The following PAK2 variants were observed in gnomAD, a reference collection of about 807,000 sequenced individuals.
PAK2 encodes the protein serine/threonine-protein kinase PAK 2.
A neutral mutation model predicts 65.9 loss-of-function variants in PAK2; 21 were observed. That is an observed-to-expected ratio of 0.32 (90% confidence interval 0.23 to 0.46). The LOEUF (loss-of-function observed/expected upper bound fraction) is 0.46, where lower values mean the gene tolerates loss of function less well. Ranked by LOEUF, PAK2 falls within the 20% of genes least tolerant of loss-of-function variation. The pLI is 1.00. For synonymous variants in PAK2, 204 were observed against 219.7 expected (o/e 0.93, Z 0.63); for missense variants, 324 against 642.6 (o/e 0.50, Z 5.36).
chr3:196,750,998 C>G (rs1340349999), intron 1 of PAK2, among the ~76,000 whole-genome samples: 1 of 151,952 alleles, frequency 6.6e-6, no homozygotes, highest in Non-Finnish European at 1.5e-5. Context: ...TTTCATCTTC[C>G]CCAACTGAAA....
chr3:196,817,955 CTGCTGGG>C, intron 11 of PAK2, 95 bp from the exon 12 acceptor site: 2 of 513,466 alleles, frequency 3.9e-6, no homozygotes, highest in East Asian at 3.0e-5. Flanking sequence ...GGAGGGTCTT[CTGCTGGG>C]CACTGGAAGC....
chr3:196,806,848 C>T (rs769110744), intron 6 of PAK2, among the ~76,000 whole-genome samples, 162 bp downstream of exon 6: 1 of 152,178 alleles, frequency 6.6e-6, no homozygotes, highest in Non-Finnish European at 1.5e-5. Context: ...AAAGACCACT[C>T]ACCTAAAACT....
intron 2 of PAK2, among the ~76,000 whole-genome samples, chr3:196,784,076 T>G (rs1385536977): frequency 6.6e-6 from 1 of 152,204 alleles, no homozygotes; most frequent in East Asian, 1.9e-4. Flanking sequence ...GATCTGTTAG[T>G]TTAGTTCTTG....
chr3:196,818,337 C>T (rs537956414), intron 12 of PAK2, among the ~76,000 whole-genome samples, 181 bp downstream of exon 12: 1 of 152,090 alleles, frequency 6.6e-6, no homozygotes. Context: ...AAAGGACTCG[C>T]TGGATAAGAC....
intron 13 of PAK2, among the ~76,000 whole-genome samples, chr3:196,821,661 C>T (rs1275348117): frequency 2.6e-5 from 4 of 152,016 alleles, no homozygotes; most frequent in African/African-American, 4.8e-5. Flanking sequence ...CCAGCCTGGT[C>T]GACAAAGCGA....
intron 8 of PAK2, 57 bp downstream of exon 8, chr3:196,810,710 A>G (rs1715747555): frequency 1.1e-6 from 1 of 895,894 alleles, no homozygotes; most frequent in Non-Finnish European, 1.9e-6. Context: ...TCCTGGCTTT[A>G]TAGCATGATG....
intron 12 of PAK2, among the ~76,000 whole-genome samples, chr3:196,818,440 G>T (rs893219132): frequency 2.0e-5 from 3 of 152,004 alleles, no homozygotes; most frequent in African/African-American, 7.3e-5. Context: ...GCCCAGGCTG[G>T]AGTGCAACCT....
intron 1 of PAK2, among the ~76,000 whole-genome samples, chr3:196,782,130 A>G (rs141540108): frequency 6.0e-4 from 92 of 152,188 alleles, no homozygotes; most frequent in African/African-American, 2.0e-3. Context: ...ATTTTTTAGG[A>G]AAGTTACTGT....
intron 1 of PAK2, among the ~76,000 whole-genome samples, chr3:196,760,138 C>G (rs757132721): frequency 1.3e-5 from 2 of 152,178 alleles, no homozygotes; most frequent in Non-Finnish European, 2.9e-5. Flanking sequence ...GTGAAAGAGA[C>G]AGGGTCTTCT....
At chr3:196,825,591 T>C (rs1711833880) in intron 13 of PAK2, among the ~76,000 whole-genome samples, 1 of 152,000 alleles carries the variant, frequency 6.6e-6, no homozygotes, top group Admixed American at 6.6e-5. Flanking sequence ...TGCATCGAGC[T>C]GAGATCGTGC....
intron 1 of PAK2, among the ~76,000 whole-genome samples, chr3:196,743,145 G>A (rs1022077172): frequency 1.3e-5 from 2 of 152,116 alleles, no homozygotes; most frequent in Non-Finnish European, 2.9e-5. Flanking sequence ...AATACTGGTT[G>A]TTTTCTTCTG....
intron 13 of PAK2, among the ~76,000 whole-genome samples, chr3:196,825,446 A>G (rs556907328): frequency 6.6e-6 from 1 of 151,770 alleles, no homozygotes; most frequent in Non-Finnish European, 1.5e-5. Flanking sequence ...GTTTAAGACC[A>G]GCCTGGCCAA....
intron 8 of PAK2, among the ~76,000 whole-genome samples, chr3:196,811,326 C>T (rs185325243): frequency 0.079 from 334 of 4,238 alleles, 4 homozygotes; most frequent in South Asian, 0.12. Context: ...TTCCTTCCTT[C>T]CCTTCCCTCC....
At chr3:196,813,031 C>T (rs1715878368) in intron 10 of PAK2, among the ~76,000 whole-genome samples, 180 bp downstream of exon 10, 1 of 152,008 alleles carries the variant, frequency 6.6e-6, no homozygotes, top group African/African-American at 2.4e-5. Context: ...TCTGCAAGGA[C>T]ATCACTTGGC....
chr3:196,824,315 A>T (rs1289353787), intron 13 of PAK2, among the ~76,000 whole-genome samples: 1 of 152,210 alleles, frequency 6.6e-6, no homozygotes, highest in Admixed American at 6.5e-5. Context: ...GGAATACAGA[A>T]ATAGCCAGGA....
chr3:196,783,098 A>T (rs1250324572), intron 2 of PAK2, among the ~76,000 whole-genome samples: 1 of 152,100 alleles, frequency 6.6e-6, no homozygotes, highest in Non-Finnish European at 1.5e-5. Flanking sequence ...CCATATTTTA[A>T]TGAGATTTGT....
At chr3:196,812,386 C>A in intron 9 of PAK2, 119 bp downstream of exon 9, 1 of 726,776 alleles carries the variant, frequency 1.4e-6, no homozygotes, top group East Asian at 2.5e-5. Flanking sequence ...GTAAGAATCG[C>A]TCTACGTATG....
At chr3:196,808,661 A>C (rs1331766988) in intron 7 of PAK2, among the ~76,000 whole-genome samples, 1 of 151,774 alleles carries the variant, frequency 6.6e-6, no homozygotes, top group Non-Finnish European at 1.5e-5. Context: ...GGTCAGGAGC[A>C]AGACTAGCCT....
At chr3:196,801,696 G>T (rs925210294) in intron 2 of PAK2, among the ~76,000 whole-genome samples, 3 of 152,044 alleles carry the variant, frequency 2.0e-5, no homozygotes, top group African/African-American at 7.2e-5. Context: ...AGCCGGGCAT[G>T]GTGGTGGGCA....
Sources: allele counts gnomAD v4.1 joint callset (sites outside exome capture counted in the v4.1 genomes callset), GRCh38; gene constraint gnomAD v4.1.1; transcripts MANE v1.5; gene names NCBI Gene and HGNC (gene_info 2026-07-23, HGNC 2026-07-21).